Variants in RAC2 observed in about 807,000 individuals in gnomAD.
RAC2 encodes the protein Rac family small GTPase 2, also known as ras-related C3 botulinum toxin substrate 2.
In RAC2, 1 loss-of-function variant was observed where a neutral mutation model predicts 24.0. The observed-to-expected ratio is 0.04, with a 90% CI of 0.01 to 0.20. The LOEUF is 0.20. RAC2 is among the 10% of genes least tolerant of loss of function. The pLI is 1.00. For synonymous variants in RAC2, 114 were observed against 106.8 expected (o/e 1.07, Z -0.41); for missense variants, 130 against 259.1 (o/e 0.50, Z 3.42).
At chr22:37,228,591 C>T (rs1312980891) in intron 5 of RAC2, among the ~76,000 whole-genome samples, 2 of 152,214 alleles carry the variant, frequency 1.3e-5, no homozygotes, top group Non-Finnish European at 2.9e-5. Flanking sequence ...AGGGGATGGA[C>T]GCTGGTCACC....
intron 2 of RAC2, among the ~76,000 whole-genome samples, chr22:37,240,056 G>A (rs1201187906): frequency 6.6e-6 from 1 of 152,126 alleles, no homozygotes; most frequent in Non-Finnish European, 1.5e-5. Context: ...TCTCCTGGCT[G>A]CCTGCCTTCC....
intron 2 of RAC2, 65 bp downstream of exon 2, chr22:37,241,521 AG>A: frequency 6.6e-7 from 1 of 1,508,866 alleles, no homozygotes; most frequent in Non-Finnish European, 9.2e-7. Flanking sequence ...AGTGCCTGAA[AG>A]GGGGGTCGAC....
chr22:37,231,349 G>A lies in RAC2; in HGVS notation c.330C>T (p.Ile110=). ...EVRHHCPSTP[I]ILVGTKLDLR... is the part of the protein sequence containing the mutation. ...GGTCCAGCTTGGTGCCCACCAGGAT[G>A]ATGGGTGTGCTGGGGCAGTGGTGCC... is the stretch of plus-strand genomic sequence containing the variant. The change falls in exon 5 of 7, where the codon ATC becomes ATT. Residue 110 remains isoleucine (I), a synonymous_variant. Coordinates refer to ENST00000249071, the MANE Select transcript of RAC2 (RefSeq NM_002872.5). This position sits in a 1 kb window ranked among gnomAD's most constrained non-coding sequence, Gnocchi z 5.5. The A allele has an allele frequency of 6.2e-7, 1 of 1,614,182 alleles. No individual in the cohort carries two copies. Among genetic ancestry groups the A allele is most frequent in the Non-Finnish European group, 8.5e-7 (1 of 1,180,042 alleles).
rs571810045 is a variant in RAC2 at position 37,239,288 on chromosome 22, T to C, written c.107+2299A>G. 5.3e-5 allele frequency among the ~76,000 whole-genome samples: 8 copies of C among 152,214 alleles called. No individual in the cohort carries two copies. In the South Asian group the frequency reaches 1.0e-3, roughly 20 times the overall value. On this transcript the variant is annotated intron_variant, in intron 2 of 6. Coordinates refer to ENST00000249071, the MANE Select transcript of RAC2 (RefSeq NM_002872.5). The stretch of plus-strand genomic sequence containing the variant: ...GAAGTACAGGGCCCATGCTCAAAAA[T>C]GATTAAGAATTTCAAGATGTAGACA...
intron 3 of RAC2, 165 bp downstream of exon 3, chr22:37,232,636 G>A (rs1927101585): frequency 1.5e-6 from 1 of 660,606 alleles, no homozygotes; most frequent in Non-Finnish European, 2.7e-6. Context: ...GAGTGCAAGA[G>A]GAAGCCCTTC....
chr22:37,242,550 C>A (rs942083414), intron 1 of RAC2, among the ~76,000 whole-genome samples: 10 of 152,162 alleles, frequency 6.6e-5, no homozygotes, highest in African/African-American at 2.4e-4. Context: ...CCCTGCCCTG[C>A]GTGGTTTTGT....
chr22:37,226,634 T>A, intron 6 of RAC2, 37 bp downstream of exon 6: 1 of 1,609,452 alleles, frequency 6.2e-7, no homozygotes. Flanking sequence ...GGGCCTGCTG[T>A]GTATGGGAGT....
chr22:37,241,189 C>G, intron 2 of RAC2: 1 of 776,986 alleles, frequency 1.3e-6, no homozygotes, highest in East Asian at 2.4e-5. Flanking sequence ...CTGTTCCACC[C>G]CTCAGCATGC....
At position 37,228,658 on chromosome 22, in the gene RAC2, C is replaced by T. The variant is rs941043179; in HGVS notation, c.449-1855G>A. ...CTTCCAACAACACCGGGGTGAGTTC[C>T]CATTTCACAGACCAGGAAACAGGCC... On this transcript the variant is annotated intron_variant, in intron 5 of 6. Transcript: ENST00000249071. Among the ~76,000 whole-genome samples, 3 of 152,198 alleles carry T rather than the reference C, an allele frequency of 2.0e-5. No homozygotes were observed. The East Asian group carries it at 5.8e-4, about 29-fold the overall frequency.
chr22:37,236,140 G>A (rs12170612), intron 2 of RAC2, among the ~76,000 whole-genome samples: 2 of 152,068 alleles, frequency 1.3e-5, no homozygotes, highest in Admixed American at 1.3e-4. Flanking sequence ...ATGTGGAGGG[G>A]AAAATACCTA....
intron 3 of RAC2, 149 bp downstream of exon 3, chr22:37,232,652 C>T (rs1927102123): frequency 7.2e-6 from 5 of 692,240 alleles, no homozygotes; most frequent in Admixed American, 2.0e-5. Context: ...CCTTCTCTGC[C>T]TGGGACATGC....
In RAC2 at chr22:37,231,717, A is replaced by G. The variant is rs1474117341; in HGVS notation, c.288+215T>C. Among the ~76,000 whole-genome samples, 2 of 151,752 alleles carry G rather than the reference A, an allele frequency of 1.3e-5. No individual in the cohort carries two copies. The highest frequency in any genetic ancestry group is 2.9e-5 in the Non-Finnish European group (2 of 67,906). Reference sequence around the variant, plus strand: ...GGGAGGAGGAGAATGCAGCCATGGAAAGTGGGGGTATAGCTAACTATCGCA... The same window carrying G: ...GGGAGGAGGAGAATGCAGCCATGGAGAGTGGGGGTATAGCTAACTATCGCA... On this transcript the variant is annotated intron_variant, in intron 4 of 6. Coordinates refer to ENST00000249071, the MANE Select transcript of RAC2 (RefSeq NM_002872.5). The surrounding 1 kb of genome is among the most constrained non-coding windows in gnomAD (Gnocchi z 5.5).
intron 1 of RAC2, 91 bp downstream of exon 1, chr22:37,244,023 C>T: frequency 6.4e-7 from 1 of 1,554,962 alleles, no homozygotes; most frequent in Non-Finnish European, 8.9e-7. Flanking sequence ...CCTAGTTCTG[C>T]AGGGCCAGGG....
intron 5 of RAC2, among the ~76,000 whole-genome samples, chr22:37,230,701 T>C (rs1927033192): frequency 6.6e-6 from 1 of 151,282 alleles, no homozygotes; most frequent in East Asian, 1.9e-4. Context: ...CCAAAGGGAG[T>C]GGGGAAAGGG....
chr22:37,230,511 C>T (rs749915047), intron 5 of RAC2, among the ~76,000 whole-genome samples: 3 of 152,230 alleles, frequency 2.0e-5, no homozygotes, highest in East Asian at 3.9e-4. Flanking sequence ...CCATGGTCAT[C>T]GCCTCCCTGA....
chr22:37,226,930 C>CGCCATACACCCTCCCGT, intron 5 of RAC2, 127 bp from the exon 6 acceptor site: 1 of 1,172,782 alleles, frequency 8.5e-7, no homozygotes, highest in South Asian at 1.3e-5. Flanking sequence ...ACCCCTCCCA[C>CGCCATACACCCTCCCGT]GCCATACACC....
intron 1 of RAC2, among the ~76,000 whole-genome samples, chr22:37,242,370 C>A (rs2145831779): frequency 6.6e-6 from 1 of 152,292 alleles, no homozygotes. Flanking sequence ...GTAAAATGGA[C>A]CTATTAGGTT....
rs375471633 is a variant in RAC2 at position 37,231,943 on chromosome 22, C to T, written c.277G>A (p.Val93Ile). ...CCTGTCCAGCTCACCTTGGCGCGGA[C>T]GTTCTCATAAGAGGCTGGGCTGACG... ...SLVSPASYEN[V>I]RAKWFPEVRH... The change falls in exon 4 of 7, where the codon GTC (valine) becomes ATC (isoleucine). Residue 93 changes from valine to isoleucine, a missense_variant. By Grantham distance (29) the Val-to-Ile change is conservative. This residue lies in a region of RAC2 where 119 missense variants were observed against 192.1 expected (regional missense o/e 0.62). Transcript: ENST00000249071. This position sits in a 1 kb window ranked among gnomAD's most constrained non-coding sequence, Gnocchi z 5.5. 6.4e-6 allele frequency: 10 copies of T among 1,551,982 alleles called. No homozygotes were observed. The highest frequency in any genetic ancestry group is 2.0e-5 in the Admixed American group (1 of 51,040).
At chr22:37,227,040 C>T (rs1364737372) in intron 5 of RAC2, among the ~76,000 whole-genome samples, 1 of 7,248 alleles carries the variant, frequency 1.4e-4, no homozygotes, top group African/African-American at 7.7e-4. Context: ...ACTCCTCCCA[C>T]GCCATACACC....
Sources: allele counts gnomAD v4.1 joint callset (sites outside exome capture counted in the v4.1 genomes callset), GRCh38; gene constraint gnomAD v4.1.1; regional missense constraint gnomAD v4.1.1; non-coding constraint Gnocchi (gnomAD v3.1); transcripts MANE v1.5; gene names NCBI Gene and HGNC (gene_info 2026-07-23, HGNC 2026-07-21).